Variants in ACSM1 observed in about 807,000 individuals in gnomAD.
ACSM1 encodes acyl-coenzyme A synthetase ACSM1, mitochondrial.
A neutral mutation model predicts 75.8 loss-of-function variants in ACSM1; 79 were observed. The observed-to-expected ratio is 1.04, with a 90% CI of 0.87 to 1.26. The LOEUF (loss-of-function observed/expected upper bound fraction) is 1.26, where lower values mean the gene tolerates loss of function less well. Ranked by LOEUF, ACSM1 falls within the 50% of genes most tolerant of loss-of-function variation. The pLI is 0.00. For missense variants in ACSM1, 676 were observed against 720.1 expected, an observed-to-expected ratio of 0.94 and a Z score of 0.70; for synonymous variants, 279 against 265.8, an observed-to-expected ratio of 1.05 and a Z score of -0.48.
chr16:20,693,854 A>C (rs1292605976), intron 1 of ACSM1, among the ~76,000 whole-genome samples: 1 of 152,230 alleles, frequency 6.6e-6, no homozygotes, highest in East Asian at 1.9e-4. Context: ...TAAAAAGTAA[A>C]ATAGAGGTTC....
At chr16:20,662,780 C>G (rs1375992716) in intron 6 of ACSM1, among the ~76,000 whole-genome samples, 1 of 152,082 alleles carries the variant, frequency 6.6e-6, no homozygotes, top group East Asian at 1.9e-4. Flanking sequence ...TCTTTAATAT[C>G]TCACATTTAT....
intron 6 of ACSM1, among the ~76,000 whole-genome samples, chr16:20,663,878 A>G (rs2019425126): frequency 6.6e-6 from 1 of 152,164 alleles, no homozygotes; most frequent in African/African-American, 2.4e-5. Flanking sequence ...CTGGCAGCCA[A>G]GGGAGCTCTG....
At chr16:20,689,107 G>A (rs1045780634) in intron 2 of ACSM1, among the ~76,000 whole-genome samples, 24 of 151,116 alleles carry the variant, frequency 1.6e-4, no homozygotes, top group Admixed American at 1.2e-3. Flanking sequence ...AAAGTGTGGG[G>A]AGGGGCTGGC....
At position 20,649,468 on chromosome 16, in the gene ACSM1, T is replaced by G. The variant is rs1214777006; in HGVS notation, c.993-8884A>C. Reference sequence around the variant, plus strand: ...CCCTTTCCCATTTGTTTTCCTTCTTTCCTTTCCAGATCCAGGAGATAATAA... The same window carrying G: ...CCCTTTCCCATTTGTTTTCCTTCTTGCCTTTCCAGATCCAGGAGATAATAA... On this transcript the variant is annotated intron_variant, in intron 7 of 13. Coordinates refer to ENST00000520010, the MANE Select transcript of ACSM1 (RefSeq NM_001318890.3). Among the ~76,000 whole-genome samples the G allele has an allele frequency of 1.3e-5, 2 of 152,270 alleles. 1 individual carries two copies. The highest frequency in any genetic ancestry group is 3.9e-4 in the East Asian group (2 of 5,178).
In ACSM1 at chr16:20,683,433, A is replaced by G. The variant is rs189022810; in HGVS notation, c.404-970T>C. 4.4e-3 allele frequency among the ~76,000 whole-genome samples: 667 copies of G among 151,276 alleles called. 5 individuals are homozygous for G. Among genetic ancestry groups the G allele is most frequent in the African/African-American group, 0.015 (616 of 41,248 alleles). On this transcript the variant is annotated intron_variant, in intron 3 of 13. Coordinates refer to ENST00000520010, the MANE Select transcript of ACSM1 (RefSeq NM_001318890.3). ...GTGAGCCACCATGCCTGGCCTCCCT[A>G]CATTTCTTCTCTGCACTAACACCTG...
At chr16:20,631,736 G>C (rs964481822) in intron 10 of ACSM1, among the ~76,000 whole-genome samples, 1 of 152,190 alleles carries the variant, frequency 6.6e-6, no homozygotes, top group Non-Finnish European at 1.5e-5. Flanking sequence ...GGAGCTGGAG[G>C]CCATTATTCT....
chr16:20,676,647 T>C (rs1049479229), intron 4 of ACSM1, among the ~76,000 whole-genome samples: 1 of 152,160 alleles, frequency 6.6e-6, no homozygotes, highest in African/African-American at 2.4e-5. Context: ...AAGGCTAATT[T>C]ACTAGCAGCA....
At chr16:20,634,203 T>C (rs2017518651) in intron 10 of ACSM1, among the ~76,000 whole-genome samples, 1 of 152,182 alleles carries the variant, frequency 6.6e-6, no homozygotes, top group Non-Finnish European at 1.5e-5. Context: ...TTACAACACA[T>C]ACAAAAGTTA....
chr16:20,624,054 C>A, intron 13 of ACSM1, 42 bp downstream of exon 13: 1 of 1,603,636 alleles, frequency 6.2e-7, no homozygotes, highest in Non-Finnish European at 8.5e-7. Context: ...TAGCAGGGAA[C>A]GCTTCAGGGC....
intron 10 of ACSM1, 34 bp from the exon 11 acceptor site, chr16:20,627,350 A>G: frequency 2.6e-6 from 4 of 1,546,656 alleles, no homozygotes; most frequent in Non-Finnish European, 3.5e-6. Flanking sequence ...TGTTGAAGGC[A>G]GTGAATTTAG....
intron 7 of ACSM1, among the ~76,000 whole-genome samples, chr16:20,645,927 G>A (rs1263914128): frequency 2.0e-5 from 3 of 152,194 alleles, no homozygotes; most frequent in Non-Finnish European, 4.4e-5. Context: ...ATACCTCTCT[G>A]TCACCTGACT....
At chr16:20,639,346 G>A (rs1423866976) in intron 8 of ACSM1, among the ~76,000 whole-genome samples, 1 of 152,182 alleles carries the variant, frequency 6.6e-6, no homozygotes, top group Non-Finnish European at 1.5e-5. Context: ...CACCCTGCTA[G>A]TATCCCACAG....
At chr16:20,640,680 G>A in intron 7 of ACSM1, 96 bp from the exon 8 acceptor site, 1 of 1,559,540 alleles carries the variant, frequency 6.4e-7, no homozygotes, top group East Asian at 2.3e-5. Context: ...CATCCTTCTA[G>A]TTCCTCACTT....
chr16:20,627,466 A>C, intron 10 of ACSM1, 150 bp from the exon 11 acceptor site: 1 of 819,180 alleles, frequency 1.2e-6, no homozygotes, highest in South Asian at 2.2e-5. Context: ...TTTTCATTAC[A>C]TGTAGCGCAT....
intron 8 of ACSM1, among the ~76,000 whole-genome samples, chr16:20,638,976 G>T (rs2017897646): frequency 6.6e-6 from 1 of 152,152 alleles, no homozygotes; most frequent in African/African-American, 2.4e-5. Flanking sequence ...CATTTTTCAG[G>T]TCTGGAAGCA....
intron 3 of ACSM1, among the ~76,000 whole-genome samples, 190 bp from the exon 4 acceptor site, chr16:20,682,653 A>C (rs2079471370): frequency 6.6e-6 from 1 of 152,216 alleles, no homozygotes; most frequent in African/African-American, 2.4e-5. Context: ...CAGAATCTGC[A>C]TCTTAACAAG....
At chr16:20,632,254 G>A (rs9933531) in intron 10 of ACSM1, among the ~76,000 whole-genome samples, 389 of 152,112 alleles carry the variant, frequency 2.6e-3, no homozygotes, top group African/African-American at 9.1e-3. Flanking sequence ...TAAATAAAAT[G>A]GCAAATAGAA....
chr16:20,676,596 A>G (rs1191805985), intron 4 of ACSM1, among the ~76,000 whole-genome samples: 1 of 152,154 alleles, frequency 6.6e-6, no homozygotes, highest in Non-Finnish European at 1.5e-5. Flanking sequence ...ACATTAACTG[A>G]GTTCAGGAGG....
rs59929923 is a variant in ACSM1 at position 20,691,751 on chromosome 16, A to ATGTGTGTGTGTG, written c.-51-524_-51-513dup. Among the ~76,000 whole-genome samples the ATGTGTGTGTGTG allele has an allele frequency of 3.5e-4, 47 of 134,102 alleles. 1 individual carries two copies. In the East Asian group the frequency reaches 3.6e-3, roughly 10 times the overall value. 88.0% of individuals were successfully genotyped at this position (134,102 alleles called of 152,430 possible). A position where few individuals can be genotyped will look rare whatever the true frequency, so the allele number is the denominator to read the frequency against. ...CTGGGCCAATCATAATACCTCTCCA[A>ATGTGTGTGTGTG]TGTGTGTGTGTGTGTGTGTGTGTGT... On this transcript the variant is annotated intron_variant, in intron 1 of 13. Coordinates refer to ENST00000520010, the MANE Select transcript of ACSM1 (RefSeq NM_001318890.3).
Sources: gnomAD v4.1 joint callset for allele counts (sites outside exome capture counted in the v4.1 genomes callset) on GRCh38, gnomAD v4.1.1 for gene constraint, MANE v1.5 for transcripts, NCBI Gene and HGNC (gene_info 2026-07-23, HGNC 2026-07-21) for gene names.